Variants in ZNF248 observed in about 807,000 individuals in gnomAD.
The protein encoded by ZNF248 is KRAB protein domain.
ZNF248 carries 20 observed loss-of-function variants against 44.3 expected under a neutral mutation model. The ratio of observed to expected loss-of-function variants is 0.45; its 90% CI spans 0.32 to 0.66. The LOEUF (loss-of-function observed/expected upper bound fraction) is 0.66, where lower values mean the gene tolerates loss of function less well. ZNF248 is among the 30% of genes least tolerant of loss of function. The pLI is 0.04. For missense variants in ZNF248, 654 were observed against 677.0 expected, an observed-to-expected ratio of 0.97 and a Z score of 0.38; for synonymous variants, 224 against 229.0, an observed-to-expected ratio of 0.98 and a Z score of 0.20.
At chr10:37,828,620 C>T (rs959656474), downstream of ZNF248, 3 of 939,428 alleles carry the variant, frequency 3.2e-6, no homozygotes, top group Non-Finnish European at 3.8e-6. Flanking sequence ...AATGCCACCC[C>T]GTGATCACAA....
the ZNF248 span, among the ~76,000 whole-genome samples, chr10:37,761,135 AG>A: frequency 6.6e-6 from 1 of 152,226 alleles, no homozygotes; most frequent in East Asian, 1.9e-4. Flanking sequence ...GGCAGTTCCA[AG>A]GTCACCAACA....
At chr10:37,807,759 T>C (rs1357792021) in intron 6 of ZNF248, among the ~76,000 whole-genome samples, 2 of 152,216 alleles carry the variant, frequency 1.3e-5, no homozygotes, top group African/African-American at 4.8e-5. Context: ...ATTCTGCTCC[T>C]TTGCTGAGTC....
At chr10:37,805,071 G>A (rs2050370395) in intron 6 of ZNF248, among the ~76,000 whole-genome samples, 1 of 152,088 alleles carries the variant, frequency 6.6e-6, no homozygotes, top group Non-Finnish European at 1.5e-5. Context: ...AAAAAAACTA[G>A]ACAAATAATA....
chr10:37,808,962 A>C (rs1027103006), intron 6 of ZNF248, among the ~76,000 whole-genome samples: 1 of 152,084 alleles, frequency 6.6e-6, no homozygotes, highest in Non-Finnish European at 1.5e-5. Context: ...ACTTATGTCA[A>C]TGATATTGTG....
intron 3 of ZNF248, among the ~76,000 whole-genome samples, chr10:37,853,900 G>A (rs1296819351): frequency 6.6e-6 from 1 of 152,092 alleles, no homozygotes; most frequent in African/African-American, 2.4e-5. Flanking sequence ...TTGCAAAAGG[G>A]AAGAAAAAGC....
At chr10:37,783,635 G>T (rs368160764) in intron 6 of ZNF248, among the ~76,000 whole-genome samples, 1 of 152,208 alleles carries the variant, frequency 6.6e-6, no homozygotes, top group African/African-American at 2.4e-5. Flanking sequence ...GGTCAAGAAT[G>T]GATGGGTTGA....
In ZNF248 at chr10:37,831,161, T is replaced by C; in HGVS notation, c.*454A>G. ...GTTACTCAATTAAGGGTACGTATCT[T>C]CTCCTTATGATCATGTTGAGTTCCA... On this transcript the variant is annotated 3_prime_UTR_variant, in exon 6 of 6. Coordinates refer to ENST00000395867, the MANE Select transcript of ZNF248 (RefSeq NM_021045.3). The C allele has an allele frequency of 6.6e-7, 1 of 1,512,082 alleles. No homozygotes were observed. Among genetic ancestry groups the C allele is most frequent in the South Asian group, 1.3e-5 (1 of 77,412 alleles). 93.7% of individuals were successfully genotyped at this position (1,512,082 alleles called of 1,614,324 possible). A position where few individuals can be genotyped will look rare whatever the true frequency, so the allele number is the denominator to read the frequency against.
In ZNF248 at chr10:37,832,613, C is replaced by T. The variant is rs1169286116; in HGVS notation, c.742G>A (p.Gly248Arg). The change falls in exon 6 of 6, where the codon GGA becomes AGA. Residue 248 changes from glycine (G) to arginine (R), a missense_variant. Transcript: ENST00000395867. Reference sequence around the variant, plus strand: ...TTTAAACTTTCAATGAAGGTTCTTCCACATTCGTTATATTTACAGACTGTC... The same window carrying T: ...TTTAAACTTTCAATGAAGGTTCTTCTACATTCGTTATATTTACAGACTGTC... ...GETVCKYNEC[G>R]RTFIESLKLN... The T allele has an allele frequency of 6.2e-7, 1 of 1,613,392 alleles. No individual in the cohort carries two copies. Among genetic ancestry groups the T allele is most frequent in the South Asian group, 1.1e-5 (1 of 91,064 alleles).
At chr10:37,775,740 G>A (rs2046535964), downstream of ZNF248, among the ~76,000 whole-genome samples, 1 of 152,142 alleles carries the variant, frequency 6.6e-6, no homozygotes, top group Non-Finnish European at 1.5e-5. Context: ...ACTCCTGTAG[G>A]TGAAATACTC....
chr10:37,794,214 C>G (rs987283794), intron 6 of ZNF248: 7 of 152,186 alleles, frequency 4.6e-5, no homozygotes, highest in African/African-American at 1.7e-4. Context: ...CAGAGTTTGT[C>G]TTCTAGCAAA....
At chr10:37,808,200 CAG>C (rs2050884331) in intron 6 of ZNF248, among the ~76,000 whole-genome samples, 1 of 150,786 alleles carries the variant, frequency 6.6e-6, no homozygotes, top group Non-Finnish European at 1.5e-5. Context: ...CAGAAATAAA[CAG>C]AAAAAAATCC....
intron 6 of ZNF248, among the ~76,000 whole-genome samples, chr10:37,812,066 T>C (rs924107808): frequency 1.3e-5 from 2 of 151,828 alleles, no homozygotes; most frequent in Admixed American, 1.3e-4. Context: ...CAAAACTCCA[T>C]CTCTACTAAA....
At chr10:37,771,460 A>C in the ZNF248 span, among the ~76,000 whole-genome samples, 2 of 152,188 alleles carry the variant, frequency 1.3e-5, no homozygotes, top group African/African-American at 2.4e-5. Flanking sequence ...TGAAGAGTTC[A>C]TGTCCTTTGT....
In ZNF248 at chr10:37,829,000, A is replaced by C; in HGVS notation, c.*2615T>G. 1 of 985,478 alleles carries C rather than the reference A, an allele frequency of 1.0e-6. No homozygotes were observed. Among genetic ancestry groups the C allele is most frequent in the Non-Finnish European group, 1.2e-6 (1 of 829,938 alleles). 61.0% of individuals were successfully genotyped at this position (985,478 alleles called of 1,614,324 possible). A position where few individuals can be genotyped will look rare whatever the true frequency, so the allele number is the denominator to read the frequency against. On this transcript the variant is annotated 3_prime_UTR_variant, in exon 6 of 6. Transcript: ENST00000395867. ...CTAGTAGAATAACTTTATTTCTAAC[A>C]CTGAGCCTTCTACATAGGAATTTAC...
the ZNF248 span, among the ~76,000 whole-genome samples, chr10:37,770,756 G>C: frequency 6.6e-6 from 1 of 152,114 alleles, no homozygotes; most frequent in East Asian, 1.9e-4. Context: ...GGCAACAAAA[G>C]ACAAAATTGA....
intron 5 of ZNF248, among the ~76,000 whole-genome samples, chr10:37,837,084 G>T (rs181214274): frequency 2.1e-3 from 299 of 139,576 alleles, no homozygotes; most frequent in Non-Finnish European, 3.7e-3. Context: ...ACTTTAAAAT[G>T]TAAAAAAAAA....
At chr10:37,853,607 C>T (rs1258245649) in intron 3 of ZNF248, among the ~76,000 whole-genome samples, 3 of 151,900 alleles carry the variant, frequency 2.0e-5, no homozygotes, top group African/African-American at 7.3e-5. Context: ...CGCGAACTCC[C>T]GACCTCAGGT....
chr10:37,853,245 T>C (rs966654704), intron 3 of ZNF248, among the ~76,000 whole-genome samples: 1 of 152,094 alleles, frequency 6.6e-6, no homozygotes, highest in Non-Finnish European at 1.5e-5. Context: ...CCAAGTTATA[T>C]TAAGTAACAA....
chr10:37,764,967 T>G, the ZNF248 span, among the ~76,000 whole-genome samples: 12 of 152,066 alleles, frequency 7.9e-5, no homozygotes, highest in African/African-American at 2.9e-4. Context: ...GAGCCTTTTT[T>G]TTTTTCTTTT....
Sources: allele counts gnomAD v4.1 joint callset (sites outside exome capture counted in the v4.1 genomes callset), GRCh38; gene constraint gnomAD v4.1.1; transcripts MANE v1.5; gene names NCBI Gene and HGNC (gene_info 2026-07-23, HGNC 2026-07-21).